Variants in ZBTB20 observed in about 807,000 individuals in gnomAD.
ZBTB20 encodes zinc finger and BTB domain containing 20, also known as zinc finger and BTB domain-containing protein 20.
A neutral mutation model predicts 56.9 loss-of-function variants in ZBTB20; 9 were observed. The observed-to-expected ratio is 0.16, with a 90% confidence interval of 0.10 to 0.28. The LOEUF is 0.28. ZBTB20 is among the 10% of genes least tolerant of loss of function. The pLI, the probability that ZBTB20 is intolerant of heterozygous loss-of-function variation, is 1.00. For missense variants in ZBTB20, 655 were observed against 1,003.0 expected, an observed-to-expected ratio of 0.65 and a Z score of 4.69; for synonymous variants, 417 against 420.7, an observed-to-expected ratio of 0.99 and a Z score of 0.11.
chr3:114,467,329 A>G (rs2092593938), intron 7 of ZBTB20, among the ~76,000 whole-genome samples: 2 of 152,200 alleles, frequency 1.3e-5, no homozygotes, highest in Admixed American at 1.3e-4. Flanking sequence ...TCAAGAATGC[A>G]GTGAGGAGAG....
intron 2 of ZBTB20, among the ~76,000 whole-genome samples, chr3:115,004,769 A>G (rs1296583511): frequency 6.6e-6 from 1 of 151,770 alleles, no homozygotes; most frequent in Non-Finnish European, 1.5e-5. Flanking sequence ...TTTTATTTAC[A>G]AATCATTTCA....
At chr3:114,639,037 G>A (rs2059422152) in intron 6 of ZBTB20, among the ~76,000 whole-genome samples, 1 of 152,004 alleles carries the variant, frequency 6.6e-6, no homozygotes, top group Admixed American at 6.6e-5. Flanking sequence ...TCACCCCAAT[G>A]CTACAGGCTC....
At chr3:114,531,899 C>G (rs2047886101) in intron 6 of ZBTB20, among the ~76,000 whole-genome samples, 1 of 152,158 alleles carries the variant, frequency 6.6e-6, no homozygotes, top group Non-Finnish European at 1.5e-5. Context: ...GGGGAATTCC[C>G]TCCGTTAGCC....
intron 6 of ZBTB20, among the ~76,000 whole-genome samples, chr3:114,640,441 T>G (rs1279651755): frequency 1.3e-5 from 2 of 152,104 alleles, no homozygotes; most frequent in Admixed American, 1.3e-4. Context: ...AACTGTGGAA[T>G]GAAGGCAAGT....
chr3:114,526,919 C>T (rs2047282721), intron 6 of ZBTB20, among the ~76,000 whole-genome samples: 1 of 152,114 alleles, frequency 6.6e-6, no homozygotes, highest in South Asian at 2.1e-4. Context: ...TCCAGCTCCC[C>T]CTTCTCCCCT....
chr3:115,142,309 A>C (rs958264620), intron 1 of ZBTB20, among the ~76,000 whole-genome samples: 14 of 152,192 alleles, frequency 9.2e-5, no homozygotes, highest in African/African-American at 3.4e-4. Context: ...ACCAGAAAAC[A>C]GGAAATGGTC....
chr3:114,348,516 C>T (rs6789841), intron 11 of ZBTB20, among the ~76,000 whole-genome samples: 1,948 of 152,338 alleles, frequency 0.013, 39 homozygotes, highest in African/African-American at 0.044. Flanking sequence ...AAGCAACTCA[C>T]CACTACCCAA....
At chr3:115,011,980 A>C (rs2079736021) in intron 2 of ZBTB20, among the ~76,000 whole-genome samples, 1 of 151,880 alleles carries the variant, frequency 6.6e-6, no homozygotes, top group Admixed American at 6.6e-5. Flanking sequence ...AAACAGTGTT[A>C]AGTTGTTGTC....
intron 2 of ZBTB20, among the ~76,000 whole-genome samples, chr3:115,045,482 T>C (rs2081300005): frequency 6.6e-6 from 1 of 151,878 alleles, no homozygotes; most frequent in African/African-American, 2.4e-5. Context: ...ACAAAGAAAC[T>C]ACACCTTTCT....
intron 1 of ZBTB20, among the ~76,000 whole-genome samples, chr3:115,143,926 G>C (rs2084891729): frequency 6.6e-6 from 1 of 152,118 alleles, no homozygotes. Context: ...AAAGCAGCTA[G>C]GTTTTAAAGT....
intron 5 of ZBTB20, among the ~76,000 whole-genome samples, chr3:114,776,717 C>T (rs1380936376): frequency 6.6e-6 from 1 of 152,276 alleles, no homozygotes; most frequent in East Asian, 1.9e-4. Context: ...TGTGAAATCA[C>T]TGAAGTCTCA....
intron 6 of ZBTB20, among the ~76,000 whole-genome samples, chr3:114,572,710 G>T (rs1559977408): frequency 6.6e-6 from 1 of 152,102 alleles, no homozygotes; most frequent in South Asian, 2.1e-4. Flanking sequence ...GTACAGTTTT[G>T]TTACTAAAGG....
At chr3:114,844,539 A>AAAAAAAAC (rs1560313253) in intron 4 of ZBTB20, among the ~76,000 whole-genome samples, 1 of 142,134 alleles carries the variant, frequency 7.0e-6, no homozygotes, top group African/African-American at 2.6e-5. Flanking sequence ...AAAAAAAAAA[A>AAAAAAAAC]AAAAAAAAAA....
rs148199516 is a variant in ZBTB20, at chr3:114,606,866, C to T, written c.-295+86662G>A. 9.6e-3 allele frequency among the ~76,000 whole-genome samples: 1,459 copies of T among 152,148 alleles called. 10 individuals are homozygous for T. The highest frequency in any genetic ancestry group is 0.014 in the Non-Finnish European group (923 of 67,982). On this transcript the variant is annotated intron_variant, in intron 6 of 11. Transcript: ENST00000675478. ...ATCCCAGCATTTTAGGAGGTTGAGG[C>T]GGGTGGATCACTTGAGGTCAGGAGT...
chr3:114,660,915 A>C (rs534050211), intron 6 of ZBTB20, among the ~76,000 whole-genome samples: 1 of 152,200 alleles, frequency 6.6e-6, no homozygotes, highest in South Asian at 2.1e-4. Flanking sequence ...AGCAAGTGAG[A>C]GAGAGAAGCT....
intron 6 of ZBTB20, among the ~76,000 whole-genome samples, chr3:114,558,724 C>T (rs2051598022): frequency 6.6e-6 from 1 of 152,068 alleles, no homozygotes; most frequent in Admixed American, 6.6e-5. Flanking sequence ...CAAAAATCAC[C>T]AATGGCTGCT....
chr3:114,611,720 G>A (rs2057568810), intron 6 of ZBTB20, among the ~76,000 whole-genome samples: 2 of 152,184 alleles, frequency 1.3e-5, no homozygotes, highest in African/African-American at 2.4e-5. Context: ...AGTCATGAGT[G>A]TATTTGAGTC....
At chr3:114,731,108 A>C (rs559466059) in intron 5 of ZBTB20, among the ~76,000 whole-genome samples, 107 of 152,314 alleles carry the variant, frequency 7.0e-4, no homozygotes, top group African/African-American at 2.2e-3. Context: ...TTGGAGTAAC[A>C]GAAAGCAACA....
At chr3:114,854,190 A>G (rs1237200627) in intron 4 of ZBTB20, among the ~76,000 whole-genome samples, 1 of 152,220 alleles carries the variant, frequency 6.6e-6, no homozygotes, top group African/African-American at 2.4e-5. Context: ...TTCTTGCAAT[A>G]TAAGTTTTCT....
Sources: gnomAD v4.1 joint callset for allele counts (sites outside exome capture counted in the v4.1 genomes callset) on GRCh38, gnomAD v4.1.1 for gene constraint, MANE v1.5 for transcripts, NCBI Gene and HGNC (gene_info 2026-07-23, HGNC 2026-07-21) for gene names.